DPP6: variants seen among roughly 807,000 people sequenced by gnomAD.
The protein encoded by DPP6 is A-type potassium channel modulatory protein DPP6.
A neutral mutation model predicts 122.6 loss-of-function variants in DPP6; 69 were observed. That is an observed-to-expected ratio of 0.56 (90% CI 0.46 to 0.69). The LOEUF (loss-of-function observed/expected upper bound fraction) is 0.69. Among genes scored for constraint, DPP6 ranks in the 30% least tolerant of loss-of-function variants. The pLI is 0.00. For synonymous variants in DPP6, 418 were observed against 433.1 expected (o/e 0.97, Z 0.43); for missense variants, 928 against 1,116.9 (o/e 0.83, Z 2.41).
At chr7:154,720,958 A>AC (rs1309602700) in intron 7 of DPP6, among the ~76,000 whole-genome samples, 1 of 152,220 alleles carries the variant, frequency 6.6e-6, no homozygotes, top group East Asian at 1.9e-4. Context: ...CCAGCTGCTG[A>AC]CGCAGCTGCC....
chr7:154,130,346 G>A lies in DPP6; in HGVS notation c.243+77283G>A, dbSNP rs368062479. 4.9e-3 allele frequency among the ~76,000 whole-genome samples: 741 copies of A among 152,222 alleles called. 5 individuals carry two copies. Among genetic ancestry groups the A allele is most frequent in the African/African-American group, 0.017 (708 of 41,514 alleles). ...CAGACCCGGCATCTAGTGAGTTGCT[G>A]AAACTTGCCAGCTGTAAGATCTGGA... On this transcript the variant is annotated intron_variant, in intron 1 of 25. Coordinates refer to ENST00000377770, the MANE Select transcript of DPP6 (RefSeq NM_130797.4).
At chr7:153,966,450 T>C (rs1453072228) in intron 1 of DPP6, among the ~76,000 whole-genome samples, 1 of 149,082 alleles carries the variant, frequency 6.7e-6, no homozygotes, top group Non-Finnish European at 1.5e-5. Flanking sequence ...TTCCCTCTGC[T>C]GTCTCCCCAG....
intron 1 of DPP6, among the ~76,000 whole-genome samples, chr7:154,348,069 T>G (rs1810547323): frequency 6.6e-6 from 1 of 152,186 alleles, no homozygotes; most frequent in African/African-American, 2.4e-5. Context: ...GAGGAGGTTT[T>G]ATGGAACTCT....
chr7:154,363,286 CTCAATGT>C (rs1227311180), intron 1 of DPP6, among the ~76,000 whole-genome samples: 1 of 152,120 alleles, frequency 6.6e-6, no homozygotes. Flanking sequence ...ATAAGAAATG[CTCAATGT>C]TCCAGAAGTG....
chr7:153,774,891 C>A, the DPP6 span, among the ~76,000 whole-genome samples: 1 of 151,904 alleles, frequency 6.6e-6, no homozygotes, highest in Non-Finnish European at 1.5e-5. Flanking sequence ...TCTCTTGAGC[C>A]CAGGAGTTCA....
chr7:154,595,059 G>C (rs774726677), intron 5 of DPP6, among the ~76,000 whole-genome samples: 1 of 151,982 alleles, frequency 6.6e-6, no homozygotes, highest in African/African-American at 2.4e-5. Flanking sequence ...AATGGTGATG[G>C]ATTTTAAAAT....
At chr7:154,651,297 A>G (rs117952026) in intron 6 of DPP6, among the ~76,000 whole-genome samples, 1 of 152,272 alleles carries the variant, frequency 6.6e-6, no homozygotes, top group East Asian at 1.9e-4. Context: ...AGAATGAGTA[A>G]ATTACCTTTG....
chr7:153,823,373 G>A, the DPP6 span, among the ~76,000 whole-genome samples: 5 of 148,570 alleles, frequency 3.4e-5, no homozygotes, highest in East Asian at 8.1e-4. Context: ...TCCACAGGGG[G>A]CCTCTTGCCT....
chr7:153,801,996 G>A, the DPP6 span, among the ~76,000 whole-genome samples: 69 of 152,278 alleles, frequency 4.5e-4, no homozygotes, highest in South Asian at 6.2e-4. Context: ...ATTCACAGAA[G>A]CAAACTTTGG....
chr7:154,756,360 G>A (rs1027957969), intron 8 of DPP6, among the ~76,000 whole-genome samples: 6 of 152,130 alleles, frequency 3.9e-5, no homozygotes, highest in Non-Finnish European at 5.9e-5. Context: ...CCAGGCCCCC[G>A]AGGCTGGCAT....
intron 12 of DPP6, among the ~76,000 whole-genome samples, chr7:154,797,247 C>T (rs1798100292): frequency 6.6e-6 from 1 of 152,188 alleles, no homozygotes; most frequent in Admixed American, 6.5e-5. Flanking sequence ...GAGTCGGCTA[C>T]TATCACTGAG....
In DPP6 at chr7:154,258,659, G is replaced by T. The variant is rs1017535614; in HGVS notation, c.244-187555G>T. ...TAAACAATCAGTAAAATGTATCTGG[G>T]AGTGCTGGCTCCCTCAGGGCCCCTG... On this transcript the variant is annotated intron_variant, in intron 1 of 25. Coordinates refer to ENST00000377770, the MANE Select transcript of DPP6 (RefSeq NM_130797.4). Among the ~76,000 whole-genome samples the T allele has an allele frequency of 2.0e-5, 3 of 152,184 alleles. No individual in the cohort carries two copies. In the East Asian group the frequency reaches 5.8e-4, roughly 29 times the overall value.
At chr7:154,728,327 A>T (rs1842170579) in intron 8 of DPP6, among the ~76,000 whole-genome samples, 1 of 152,244 alleles carries the variant, frequency 6.6e-6, no homozygotes, top group Non-Finnish European at 1.5e-5. Flanking sequence ...AATGAGTTGC[A>T]TCTTTCCAAA....
chr7:154,736,899 AT>A (rs1842594197), intron 8 of DPP6, among the ~76,000 whole-genome samples: 2 of 152,252 alleles, frequency 1.3e-5, no homozygotes, highest in Admixed American at 6.5e-5. Context: ...TAGAATTTCC[AT>A]TTCCACAAAA....
At chr7:154,086,728 C>A (rs1044712102) in intron 1 of DPP6, among the ~76,000 whole-genome samples, 2 of 151,520 alleles carry the variant, frequency 1.3e-5, no homozygotes, top group African/African-American at 4.9e-5. Flanking sequence ...AAGCGATTCT[C>A]CTGCCTCAGC....
intron 16 of DPP6, among the ~76,000 whole-genome samples, chr7:154,809,575 C>T (rs1038089575): frequency 6.6e-6 from 1 of 151,724 alleles, no homozygotes; most frequent in African/African-American, 2.4e-5. Flanking sequence ...GGTGTGTGCT[C>T]CACAAGCATC....
At chr7:154,000,346 G>A (rs776475852) in intron 1 of DPP6, among the ~76,000 whole-genome samples, 2 of 152,200 alleles carry the variant, frequency 1.3e-5, no homozygotes, top group Non-Finnish European at 2.9e-5. Flanking sequence ...CGGATTGGGG[G>A]CCAGCTGCAC....
intron 1 of DPP6, among the ~76,000 whole-genome samples, chr7:154,330,005 G>A (rs1808777249): frequency 6.6e-6 from 1 of 152,154 alleles, no homozygotes; most frequent in Non-Finnish European, 1.5e-5. Context: ...CACAGGGAGG[G>A]GAACATCACA....
chr7:153,846,450 G>C, the DPP6 span, among the ~76,000 whole-genome samples: 8 of 151,930 alleles, frequency 5.3e-5, no homozygotes, highest in African/African-American at 1.9e-4. Context: ...ATGGACAAAG[G>C]TTTTTTACAT....
Sources: allele counts gnomAD v4.1 joint callset (sites outside exome capture counted in the v4.1 genomes callset), GRCh38; gene constraint gnomAD v4.1.1; transcripts MANE v1.5; gene names NCBI Gene and HGNC (gene_info 2026-07-23, HGNC 2026-07-21).